THOC5: variants seen among roughly 807,000 people sequenced by gnomAD.
THOC5 encodes the protein THO complex subunit 5.
Under a neutral mutation model 92.9 loss-of-function variants are expected in THOC5, and 43 were observed. The observed-to-expected ratio is 0.46, with a 90% confidence interval of 0.36 to 0.60. The LOEUF (loss-of-function observed/expected upper bound fraction) is 0.60, where lower values mean the gene tolerates loss of function less well. Among genes scored for constraint, THOC5 ranks in the 20% least tolerant of loss-of-function variants. The probability of loss-of-function intolerance (pLI) is 0.00; values close to 1 mark genes in which losing one functional copy is unlikely to be tolerated. For missense variants in THOC5, 659 were observed against 849.4 expected, an observed-to-expected ratio of 0.78 and a Z score of 2.79; for synonymous variants, 296 against 320.1, an observed-to-expected ratio of 0.92 and a Z score of 0.80.
intron 7 of THOC5, among the ~76,000 whole-genome samples, chr22:29,533,324 A>G (rs151192941): frequency 7.0e-4 from 106 of 152,398 alleles, no homozygotes; most frequent in African/African-American, 2.4e-3. Context: ...AAGGATGGAC[A>G]CAGAGATTAT....
In THOC5 at chr22:29,517,077, C is replaced by A; in HGVS notation, c.1633G>T (p.Ala545Ser). 1 of 1,614,154 alleles carries A rather than the reference C, an allele frequency of 6.2e-7. No individual in the cohort carries two copies. Among genetic ancestry groups the A allele is most frequent in the Middle Eastern group, 1.6e-4 (1 of 6,062 alleles). ...FTKDIVDAGL[A>S]GDTNLYYMAL... ...ATGTAGTAGAGATTGGTGTCCCCAGCCAGTCCCGCATCCACAATGTCTTTG... is the reference window on the plus strand; with the variant it reads ...ATGTAGTAGAGATTGGTGTCCCCAGACAGTCCCGCATCCACAATGTCTTTG... The change falls in exon 17 of 20, where the codon GCT (alanine) becomes TCT (serine). Residue 545 changes from alanine to serine, a missense_variant. Coordinates refer to ENST00000490103, the MANE Select transcript of THOC5 (RefSeq NM_003678.5).
At chr22:29,531,474 G>A in intron 8 of THOC5, 1 of 1,033,744 alleles carries the variant, frequency 9.7e-7, no homozygotes, top group South Asian at 4.1e-5. Flanking sequence ...TATTCACCAG[G>A]CACCCCCACC....
chr22:29,529,391 G>T, intron 8 of THOC5, 152 bp from the exon 9 acceptor site: 1 of 722,032 alleles, frequency 1.4e-6, no homozygotes, highest in Non-Finnish European at 2.3e-6. Flanking sequence ...TCCAGATGAA[G>T]GGAAACAAGG....
chr22:29,535,261 CA>C (rs572658824), intron 7 of THOC5: 125 of 58,926 alleles, frequency 2.1e-3, no homozygotes, highest in South Asian at 4.2e-3. Flanking sequence ...ACTCTGTCTC[CA>C]AAAAAAAAAA....
At position 29,508,516 on chromosome 22, in the gene THOC5, G is replaced by T; in HGVS notation, c.1993C>A (p.Pro665Thr). 6.2e-7 allele frequency: 1 copy of T among 1,613,744 alleles called. No individual in the cohort carries two copies. The highest frequency in any genetic ancestry group is 8.5e-7 in the Non-Finnish European group (1 of 1,179,668). Residue 665 changes from proline (P) to threonine (T), a missense_variant, in exon 20 of 20, where the codon CCT becomes ACT. Physicochemically the swap from Pro to Thr is conservative, Grantham distance 38 (BLOSUM62 -1). Coordinates refer to ENST00000490103, the MANE Select transcript of THOC5 (RefSeq NM_003678.5). ...EKMCLRLFRG[P>T]SRMKPFKYNH... Reference sequence around the variant, plus strand: ...TATTTAAATGGCTTCATCCTGCTAGGACCCCTAGAGAAATAGGAGAACGGA... The same window carrying T: ...TATTTAAATGGCTTCATCCTGCTAGTACCCCTAGAGAAATAGGAGAACGGA...
Position 29,522,449 on chromosome 22 carries a change from T to G in THOC5, c.1176-1350A>C, listed in dbSNP as rs111797906. ...TTAGGGACTATTACTAATAGATTGA[T>G]TCAATCTATTAGTAAATAAATAAAA... On this transcript the variant is annotated intron_variant, in intron 12 of 19. Transcript: ENST00000490103. 5.3e-4 allele frequency among the ~76,000 whole-genome samples: 81 copies of G among 152,200 alleles called. 3 individuals are homozygous for G. Among genetic ancestry groups the G allele is most frequent in the African/African-American group, 1.8e-3 (76 of 41,550 alleles).
intron 17 of THOC5, among the ~76,000 whole-genome samples, chr22:29,514,801 G>A (rs4823042): frequency 0.35 from 51,784 of 150,096 alleles, 9,022 homozygotes; most frequent in South Asian, 0.51. Flanking sequence ...AACCTTCCGG[G>A]TTCGAGCAAT....
intron 17 of THOC5, among the ~76,000 whole-genome samples, chr22:29,513,565 G>A (rs1258955592): frequency 6.6e-6 from 1 of 152,042 alleles, no homozygotes; most frequent in African/African-American, 2.4e-5. Context: ...GGACATGCTT[G>A]TAATCCCAGC....
In THOC5 at chr22:29,519,058, C is replaced by T; in HGVS notation, c.1437G>A (p.Leu479=). Reference sequence around the variant, plus strand: ...CCAGGCGGGACTGCACCCTGGTCTTCAGAAGTTTCATGGTGGTCTCCATGT... The same window carrying T: ...CCAGGCGGGACTGCACCCTGGTCTTTAGAAGTTTCATGGTGGTCTCCATGT... ...ASHMETTMKL[L]KTRVQSRLAL... The change falls in exon 15 of 20, where the codon CTG becomes CTA. Residue 479 remains leucine, a synonymous_variant. Transcript: ENST00000490103. 1 of 1,611,294 alleles carries T rather than the reference C, an allele frequency of 6.2e-7. No individual in the cohort carries two copies. Among genetic ancestry groups the T allele is most frequent in the Non-Finnish European group, 8.5e-7 (1 of 1,178,772 alleles).
In THOC5 at chr22:29,519,125, G is replaced by T. The variant is rs2063388590; in HGVS notation, c.1375-5C>A. On this transcript the variant is annotated splice_region_variant and splice_polypyrimidine_tract_variant and intron_variant, in intron 14 of 19. Coordinates refer to ENST00000490103, the MANE Select transcript of THOC5 (RefSeq NM_003678.5). ...GTGGTCAGCAATCACTGTTTGCTGT[G>T]AGTGACAATGAGACACATACACGTG... 3.1e-6 allele frequency: 5 copies of T among 1,590,740 alleles called. No individual in the cohort carries two copies. The highest frequency in any genetic ancestry group is 4.3e-6 in the Non-Finnish European group (5 of 1,162,278).
At chr22:29,543,263 G>A (rs1267177335) in intron 4 of THOC5, among the ~76,000 whole-genome samples, 166 bp downstream of exon 4, 4 of 147,472 alleles carry the variant, frequency 2.7e-5, no homozygotes, top group South Asian at 2.1e-4. Context: ...CAGGAGAATC[G>A]CTTGAAGCTG....
At chr22:29,531,552 C>A (rs572446598) in intron 8 of THOC5, 989 of 1,161,476 alleles carry the variant, frequency 8.5e-4, no homozygotes, top group Non-Finnish European at 9.6e-4. Flanking sequence ...ACCTGGGAGC[C>A]CAGACAGGCT....
At chr22:29,528,647 G>C (rs908434669) in intron 9 of THOC5, among the ~76,000 whole-genome samples, 181 bp from the exon 10 acceptor site, 4 of 151,980 alleles carry the variant, frequency 2.6e-5, no homozygotes, top group Non-Finnish European at 5.9e-5. Context: ...GATGAAAAAA[G>C]AAAAAAGAAG....
At position 29,517,011 on chromosome 22, in the gene THOC5, A is replaced by C. The variant is rs1055130244; in HGVS notation, c.1681+18T>G. On this transcript the variant is annotated intron_variant, in intron 17 of 19. Coordinates refer to ENST00000490103, the MANE Select transcript of THOC5 (RefSeq NM_003678.5). ...AGCGCCCTTTGTCTAGAACCCCTGTAATCAGCAGAGCAATTACCTGTGCCC... is the reference window on the plus strand; with the variant it reads ...AGCGCCCTTTGTCTAGAACCCCTGTCATCAGCAGAGCAATTACCTGTGCCC... 34 of 1,613,558 alleles carry C rather than the reference A, an allele frequency of 2.1e-5. No individual in the cohort carries two copies. Among genetic ancestry groups the C allele is most frequent in the Non-Finnish European group, 2.8e-5 (33 of 1,179,630 alleles).
intron 2 of THOC5, among the ~76,000 whole-genome samples, chr22:29,546,068 G>A (rs1234281908): frequency 6.6e-6 from 1 of 152,226 alleles, no homozygotes; most frequent in Non-Finnish European, 1.5e-5. Context: ...TGCACCCACA[G>A]GCTTAACACC....
intron 17 of THOC5, among the ~76,000 whole-genome samples, chr22:29,515,407 T>C (rs1281906878): frequency 6.6e-6 from 1 of 152,208 alleles, no homozygotes; most frequent in Non-Finnish European, 1.5e-5. Context: ...ATAACTTTTA[T>C]ACGTACTGGG....
At chr22:29,542,822 G>T in intron 5 of THOC5, 37 bp downstream of exon 5, 1 of 1,436,522 alleles carries the variant, frequency 7.0e-7, no homozygotes, top group South Asian at 1.2e-5. Flanking sequence ...GTTACCGAAA[G>T]ACCACATGTG....
chr22:29,519,291 C>A (rs2063392915), intron 14 of THOC5, among the ~76,000 whole-genome samples, 171 bp from the exon 15 acceptor site: 1 of 152,216 alleles, frequency 6.6e-6, no homozygotes, highest in African/African-American at 2.4e-5. Flanking sequence ...GACGCTGAGT[C>A]CTGGCAGAAA....
intron 13 of THOC5, 22 bp downstream of exon 13, chr22:29,520,976 G>A (rs2063430341): frequency 6.3e-7 from 1 of 1,582,566 alleles, no homozygotes; most frequent in Non-Finnish European, 8.7e-7. Flanking sequence ...AGAGCTCGGA[G>A]AGGAGGAAAC....
Sources: gnomAD v4.1 joint callset for allele counts (sites outside exome capture counted in the v4.1 genomes callset) on GRCh38, gnomAD v4.1.1 for gene constraint, MANE v1.5 for transcripts, NCBI Gene and HGNC (gene_info 2026-07-23, HGNC 2026-07-21) for gene names.